PPP2R2B: variants seen among roughly 807,000 people sequenced by gnomAD.
PPP2R2B encodes protein phosphatase 2 regulatory subunit Bbeta.
PPP2R2B carries 5 observed loss-of-function variants against 46.0 expected under a neutral mutation model. The ratio of observed to expected loss-of-function variants is 0.11; its 90% CI spans 0.06 to 0.23. The LOEUF (loss-of-function observed/expected upper bound fraction) is 0.23, where lower values mean the gene tolerates loss of function less well. Among genes scored for constraint, PPP2R2B ranks in the 10% least tolerant of loss-of-function variants. The probability of loss-of-function intolerance (pLI) is 1.00; values close to 1 mark genes in which losing one functional copy is unlikely to be tolerated. For missense variants in PPP2R2B, 367 were observed against 575.0 expected, an observed-to-expected ratio of 0.64 and a Z score of 3.70; for synonymous variants, 215 against 206.7, an observed-to-expected ratio of 1.04 and a Z score of -0.34.
Position 146,977,799 on chromosome 5 carries a change from A to G in PPP2R2B, c.79+77866T>C, listed in dbSNP as rs376480491. ...GTTGATGGGCATTTGGATTGGTTCT[A>G]AGTCTTTGATATTGTGAATAGTGCT... On this transcript the variant is annotated intron_variant, in intron 1 of 8. Coordinates refer to the PPP2R2B transcript ENST00000336640. Among the ~76,000 whole-genome samples, 168 of 152,186 alleles carry G rather than the reference A, an allele frequency of 1.1e-3. 1 individual carries two copies. The highest frequency in any genetic ancestry group is 3.8e-3 in the African/African-American group (157 of 41,522).
At chr5:146,712,649 C>T (rs1476509556) in intron 2 of PPP2R2B, among the ~76,000 whole-genome samples, 1 of 152,122 alleles carries the variant, frequency 6.6e-6, no homozygotes, top group Non-Finnish European at 1.5e-5. Flanking sequence ...TCTGTCACCC[C>T]ACTGATCACC....
At chr5:146,635,832 G>T (rs1774781442) in intron 7 of PPP2R2B, among the ~76,000 whole-genome samples, 3 of 152,268 alleles carry the variant, frequency 2.0e-5, no homozygotes, top group African/African-American at 4.8e-5. Flanking sequence ...ATGTGTCAGG[G>T]GTTCATATAA....
intron 2 of PPP2R2B, among the ~76,000 whole-genome samples, chr5:146,732,830 C>A (rs1239438658): frequency 6.6e-6 from 1 of 152,106 alleles, no homozygotes; most frequent in Non-Finnish European, 1.5e-5. Context: ...TTGACTCCAC[C>A]TCCATATAGA....
In PPP2R2B at chr5:146,861,047, ATTTTTTCTTTTT is replaced by A. The variant is rs1164262798; in HGVS notation, c.70+16943_70+16954del. Among the ~76,000 whole-genome samples the A allele has an allele frequency of 2.1e-3, 280 of 132,188 alleles. 2 individuals are homozygous for A. The highest frequency in any genetic ancestry group is 6.8e-3 in the African/African-American group (230 of 33,684). The allele number at this position is 132,188 out of a possible 152,430, so 86.7% of individuals were successfully genotyped here. On this transcript the variant is annotated intron_variant, in intron 2 of 9. Transcript: ENST00000394411. Reference sequence around the variant, plus strand: ...ACTCCTCTTCCAGCATTCAAACTGAATTTTTTCTTTTTTTTTTTTTTTTTTTTGAGACTGAGT... The same window carrying A: ...ACTCCTCTTCCAGCATTCAAACTGAATTTTTTTTTTTTTTTGAGACTGAGT...
intron 1 of PPP2R2B, among the ~76,000 whole-genome samples, chr5:146,897,050 G>T (rs1330044026): frequency 6.6e-6 from 1 of 152,138 alleles, no homozygotes; most frequent in Admixed American, 6.6e-5. Context: ...TCTTTAAAAT[G>T]ATAGTAAAGA....
rs142663325 is a variant in PPP2R2B at position 146,819,598 on chromosome 5, C to T, written c.70+58404G>A. Among the ~76,000 whole-genome samples the T allele has an allele frequency of 1.4e-4, 22 of 152,250 alleles. No homozygotes were observed. The East Asian group carries it at 2.9e-3, about 20-fold the overall frequency. On this transcript the variant is annotated intron_variant, in intron 2 of 9. Coordinates refer to ENST00000394411, the MANE Select transcript of PPP2R2B (RefSeq NM_181675.4). ...CTCCATCTAGCTTTGGAATAGTTATCGTTTCCTCCATAAGATTTAGCTTTC... is the reference window on the plus strand; with the variant it reads ...CTCCATCTAGCTTTGGAATAGTTATTGTTTCCTCCATAAGATTTAGCTTTC...
chr5:146,702,481 A>G (rs1408101425), intron 2 of PPP2R2B, among the ~76,000 whole-genome samples: 2 of 152,210 alleles, frequency 1.3e-5, no homozygotes. Flanking sequence ...CAGGGCCACA[A>G]AGTAACATAG....
In PPP2R2B at chr5:146,878,639, C is replaced by CG; in HGVS notation, c.-174dup. 1 of 1,251,724 alleles carries CG rather than the reference C, an allele frequency of 8.0e-7. No individual in the cohort carries two copies. Among genetic ancestry groups the CG allele is most frequent in the African/African-American group, 1.6e-5 (1 of 63,938 alleles). 77.5% of individuals were successfully genotyped at this position (1,251,724 alleles called of 1,614,324 possible). A position where few individuals can be genotyped will look rare whatever the true frequency, so the allele number is the denominator to read the frequency against. On this transcript the variant is annotated 5_prime_UTR_variant, in exon 1 of 10. Coordinates refer to ENST00000394411, the MANE Select transcript of PPP2R2B (RefSeq NM_181675.4). This position sits in a 1 kb window ranked among gnomAD's most constrained non-coding sequence, Gnocchi z 4.5. ...CCCACGGGAGGGCGGCTCCGGCAGGCGGGGGTAGGGAAGCTGGCGGGGAGC... is the reference window on the plus strand; with the variant it reads ...CCCACGGGAGGGCGGCTCCGGCAGGCGGGGGGTAGGGAAGCTGGCGGGGAGC...
In PPP2R2B at chr5:147,076,950, A is replaced by G. The variant is rs1287935907; in HGVS notation, c.50+4109T>C. 5.9e-5 allele frequency among the ~76,000 whole-genome samples: 9 copies of G among 151,548 alleles called. No individual in the cohort carries two copies. In the South Asian group the frequency reaches 1.2e-3, roughly 21 times the overall value. Reference sequence around the variant, plus strand: ...TCCTATAGAATAATTTGACATGTGAAGAAATTCTAGTCTGCTACTTGATAC... The same window carrying G: ...TCCTATAGAATAATTTGACATGTGAGGAAATTCTAGTCTGCTACTTGATAC... On this transcript the variant is annotated intron_variant, in intron 2 of 10. Coordinates refer to the PPP2R2B transcript ENST00000394413.
chr5:146,877,364 T>C (rs1159409280), intron 2 of PPP2R2B, among the ~76,000 whole-genome samples: 1 of 152,124 alleles, frequency 6.6e-6, no homozygotes, highest in Non-Finnish European at 1.5e-5. Flanking sequence ...ATAATGGTGA[T>C]TTTTAAAGGC....
At chr5:146,941,436 G>C (rs916546373) in intron 1 of PPP2R2B, among the ~76,000 whole-genome samples, 12 of 152,134 alleles carry the variant, frequency 7.9e-5, no homozygotes, top group Non-Finnish European at 1.2e-4. Context: ...CAGATCTCTG[G>C]ATAATTCATA....
At chr5:146,627,209 C>A (rs1255186986) in intron 7 of PPP2R2B, among the ~76,000 whole-genome samples, 1 of 152,136 alleles carries the variant, frequency 6.6e-6, no homozygotes, top group Admixed American at 6.5e-5. Context: ...TAATAAAGGA[C>A]CTTGTCTTTT....
intron 4 of PPP2R2B, among the ~76,000 whole-genome samples, chr5:146,696,191 C>G (rs1779169120): frequency 6.6e-6 from 1 of 151,836 alleles, no homozygotes; most frequent in South Asian, 2.1e-4. Context: ...CCAAGCCCCG[C>G]CTCCTGGATT....
At chr5:147,040,286 T>A (rs1465585113) in intron 1 of PPP2R2B, among the ~76,000 whole-genome samples, 1 of 152,118 alleles carries the variant, frequency 6.6e-6, no homozygotes, top group Non-Finnish European at 1.5e-5. Flanking sequence ...TATCTGAGGA[T>A]CAACAGAGAA....
chr5:146,849,880 C>T (rs1221586477), intron 2 of PPP2R2B, among the ~76,000 whole-genome samples: 2 of 152,174 alleles, frequency 1.3e-5, no homozygotes, highest in Admixed American at 6.5e-5. Context: ...TCCTGACAAA[C>T]AGGCACAAAG....
chr5:146,927,298 CTT>C (rs1763813837), intron 1 of PPP2R2B, among the ~76,000 whole-genome samples: 1 of 152,132 alleles, frequency 6.6e-6, no homozygotes, highest in Non-Finnish European at 1.5e-5. Context: ...AAAGTCCACT[CTT>C]TGCCTTGGGT....
At chr5:146,781,059 TTTA>T (rs1387894100) in intron 2 of PPP2R2B, among the ~76,000 whole-genome samples, 1 of 147,414 alleles carries the variant, frequency 6.8e-6, no homozygotes, top group Non-Finnish European at 1.5e-5. Flanking sequence ...TGACAGAGCA[TTTA>T]TTATTTGCTC....
At chr5:146,651,185 T>C (rs917451847) in intron 5 of PPP2R2B, among the ~76,000 whole-genome samples, 1 of 152,208 alleles carries the variant, frequency 6.6e-6, no homozygotes, top group African/African-American at 2.4e-5. Context: ...GCTATACCCC[T>C]TCCTGGCTTT....
rs189973866 is a variant in PPP2R2B at position 146,870,237 on chromosome 5, G to A, written c.70+7765C>T. Among the ~76,000 whole-genome samples, 264 of 152,180 alleles carry A rather than the reference G, an allele frequency of 1.7e-3. 1 individual carries two copies. The highest frequency in any genetic ancestry group is 5.7e-3 in the African/African-American group (236 of 41,520). ...GTTCCCCAGTGTTATGGACCAAATT[G>A]TGCCCCCCTCCACCCCAATCTATAT... On this transcript the variant is annotated intron_variant, in intron 2 of 9. Transcript: ENST00000394411.
Sources: allele counts gnomAD v4.1 joint callset (sites outside exome capture counted in the v4.1 genomes callset), GRCh38; gene constraint gnomAD v4.1.1; non-coding constraint Gnocchi (gnomAD v3.1); transcripts MANE v1.5; gene names NCBI Gene and HGNC (gene_info 2026-07-23, HGNC 2026-07-21).